GRM7: variants seen among roughly 807,000 people sequenced by gnomAD.
The protein encoded by GRM7 is glutamate metabotropic receptor 7.
GRM7 carries 35 observed loss-of-function variants against 84.5 expected under a neutral mutation model. The observed-to-expected ratio is 0.41, with a 90% CI of 0.32 to 0.55. GRM7 has a LOEUF of 0.55. GRM7 is among the 20% of genes least tolerant of loss of function. GRM7 has a pLI of 0.19. For missense variants in GRM7, 1,003 were observed against 1,194.6 expected (o/e 0.84, Z 2.36); for synonymous variants, 487 against 455.1 (o/e 1.07, Z -0.89).
At chr3:6,990,176 A>G (rs543611265) in intron 1 of GRM7, among the ~76,000 whole-genome samples, 4 of 152,342 alleles carry the variant, frequency 2.6e-5, no homozygotes, top group South Asian at 4.1e-4. Flanking sequence ...CTTGAATTAC[A>G]TGAAAATGGA....
At chr3:7,645,853 C>G (rs548760525) in intron 8 of GRM7, among the ~76,000 whole-genome samples, 6 of 152,326 alleles carry the variant, frequency 3.9e-5, no homozygotes, top group African/African-American at 1.4e-4. Context: ...TGTCCAAAGT[C>G]TCCTGGGAGT....
intron 1 of GRM7, among the ~76,000 whole-genome samples, chr3:7,118,317 G>A (rs184224811): frequency 6.6e-6 from 1 of 151,978 alleles, no homozygotes; most frequent in African/African-American, 2.4e-5. Flanking sequence ...TTTTGCCTGG[G>A]AGGTCGAGTC....
At chr3:7,391,862 G>A (rs771010588) in intron 4 of GRM7, among the ~76,000 whole-genome samples, 12 of 152,022 alleles carry the variant, frequency 7.9e-5, no homozygotes, top group Non-Finnish European at 1.3e-4. Context: ...CAGTGGGGGT[G>A]GAGCCTCTCG....
intron 1 of GRM7, among the ~76,000 whole-genome samples, chr3:7,139,383 A>C (rs1016638492): frequency 1.3e-5 from 2 of 151,848 alleles, no homozygotes; most frequent in Non-Finnish European, 2.9e-5. Context: ...CAATATAAAA[A>C]TGAAAAACTT....
At chr3:7,192,459 C>G (rs1695740894) in intron 2 of GRM7, among the ~76,000 whole-genome samples, 1 of 152,102 alleles carries the variant, frequency 6.6e-6, no homozygotes, top group East Asian at 1.9e-4. Flanking sequence ...GTTGGTTGAC[C>G]TCGACTCTGT....
intron 7 of GRM7, among the ~76,000 whole-genome samples, chr3:7,566,490 A>G (rs2034477): frequency 0.45 from 68,066 of 152,006 alleles, 15,579 homozygotes; most frequent in African/African-American, 0.54. Context: ...TGTATTTGAT[A>G]ATTGGAATAA....
At chr3:7,585,690 G>A (rs975324223) in intron 8 of GRM7, among the ~76,000 whole-genome samples, 13 of 152,094 alleles carry the variant, frequency 8.5e-5, no homozygotes, top group African/African-American at 1.7e-4. Flanking sequence ...GGTGTCTTGC[G>A]CTTTGAGACC....
chr3:7,596,816 T>C (rs564829711), intron 8 of GRM7, among the ~76,000 whole-genome samples: 1 of 152,136 alleles, frequency 6.6e-6, no homozygotes, highest in Admixed American at 6.5e-5. Context: ...ACTGTCATGA[T>C]TTCGTAAAGC....
intron 2 of GRM7, among the ~76,000 whole-genome samples, chr3:7,163,192 T>C (rs1694690486): frequency 2.0e-5 from 3 of 152,204 alleles, no homozygotes; most frequent in African/African-American, 7.2e-5. Flanking sequence ...CACACAGAGC[T>C]GTTGTCTAGA....
At chr3:7,298,108 A>G (rs1018929763) in intron 2 of GRM7, among the ~76,000 whole-genome samples, 1 of 152,164 alleles carries the variant, frequency 6.6e-6, no homozygotes, top group Non-Finnish European at 1.5e-5. Context: ...ACACTTAATG[A>G]TGGCTTAGGC....
At chr3:7,255,969 T>C (rs1698180854) in intron 2 of GRM7, among the ~76,000 whole-genome samples, 1 of 152,138 alleles carries the variant, frequency 6.6e-6, no homozygotes. Flanking sequence ...AACACTTAGA[T>C]AAAATACATG....
chr3:7,372,660 G>A (rs889205939), intron 4 of GRM7, among the ~76,000 whole-genome samples: 1 of 152,034 alleles, frequency 6.6e-6, no homozygotes, highest in Non-Finnish European at 1.5e-5. Flanking sequence ...TTAGAATTTT[G>A]TACTTTAGCA....
intron 2 of GRM7, among the ~76,000 whole-genome samples, chr3:7,255,822 T>A (rs1229655796): frequency 6.6e-6 from 1 of 152,230 alleles, no homozygotes; most frequent in Non-Finnish European, 1.5e-5. Context: ...CATACTCAAC[T>A]GGATTACTGT....
At chr3:7,044,140 A>G (rs532017824) in intron 1 of GRM7, among the ~76,000 whole-genome samples, 1 of 152,240 alleles carries the variant, frequency 6.6e-6, no homozygotes, top group Non-Finnish European at 1.5e-5. Flanking sequence ...ACTGATAAAA[A>G]TATTGATCAG....
chr3:7,300,908 C>CT (rs1268570303), intron 3 of GRM7, among the ~76,000 whole-genome samples: 6 of 152,172 alleles, frequency 3.9e-5, no homozygotes, highest in Admixed American at 3.9e-4. Flanking sequence ...CTGTCAATAA[C>CT]TATTATAGGG....
intron 1 of GRM7, chr3:6,884,304 C>A (rs1695615666): frequency 6.6e-6 from 1 of 152,582 alleles, no homozygotes; most frequent in Admixed American, 6.5e-5. Flanking sequence ...GCTGCCTCAT[C>A]AGGTAGTTAA....
intron 1 of GRM7, among the ~76,000 whole-genome samples, chr3:6,879,161 A>C (rs1695419596): frequency 6.6e-6 from 1 of 150,512 alleles, no homozygotes; most frequent in Admixed American, 6.6e-5. Context: ...GTCCTACTTA[A>C]TGTCCCCAAT....
intron 5 of GRM7, among the ~76,000 whole-genome samples, chr3:7,450,401 A>G (rs772367516): frequency 6.6e-6 from 1 of 152,276 alleles, no homozygotes; most frequent in East Asian, 1.9e-4. Flanking sequence ...ACATGAATTT[A>G]CCCTTTGACA....
chr3:6,995,422 TG>T (rs1694794725), intron 1 of GRM7, among the ~76,000 whole-genome samples: 1 of 152,238 alleles, frequency 6.6e-6, no homozygotes, highest in African/African-American at 2.4e-5. Context: ...TGAGCCATAA[TG>T]TACTGACACC....
Sources: gnomAD v4.1 joint callset for allele counts (sites outside exome capture counted in the v4.1 genomes callset) on GRCh38, gnomAD v4.1.1 for gene constraint, MANE v1.5 for transcripts, NCBI Gene and HGNC (gene_info 2026-07-23, HGNC 2026-07-21) for gene names.